DNMBP: variants seen among roughly 807,000 people sequenced by gnomAD.
The protein encoded by DNMBP is dynamin-binding protein.
In DNMBP, 87 loss-of-function variants were observed where a neutral mutation model predicts 150.0. That is an observed-to-expected ratio of 0.58 (90% CI 0.49 to 0.69). The LOEUF (loss-of-function observed/expected upper bound fraction) is 0.69. Ranked by LOEUF, DNMBP falls within the 30% of genes least tolerant of loss-of-function variation. DNMBP has a pLI of 0.00. For missense variants in DNMBP, 1,774 were observed against 1,949.0 expected, an observed-to-expected ratio of 0.91 and a Z score of 1.69; for synonymous variants, 711 against 750.4, an observed-to-expected ratio of 0.95 and a Z score of 0.86.
chr10:99,921,742 A>C (rs1171109650), intron 4 of DNMBP, among the ~76,000 whole-genome samples: 1 of 151,488 alleles, frequency 6.6e-6, no homozygotes. Context: ...GTACATGCCT[A>C]TAGTCCCAGC....
At chr10:99,902,223 T>A (rs115472290) in intron 6 of DNMBP, among the ~76,000 whole-genome samples, 42 of 151,772 alleles carry the variant, frequency 2.8e-4, no homozygotes, top group Non-Finnish European at 2.8e-4. Context: ...TTTTCCTTAA[T>A]GTATAACTCC....
chr10:99,919,679 TG>T (rs2040001756), intron 4 of DNMBP, among the ~76,000 whole-genome samples: 1 of 152,098 alleles, frequency 6.6e-6, no homozygotes, highest in South Asian at 2.1e-4. Flanking sequence ...ACCAGCTACT[TG>T]GGAGGCTGAG....
intron 4 of DNMBP, among the ~76,000 whole-genome samples, chr10:99,916,225 A>G (rs1178027582): frequency 1.3e-5 from 2 of 152,220 alleles, no homozygotes; most frequent in Non-Finnish European, 2.9e-5. Flanking sequence ...CACTTTTGGA[A>G]GCCAAGGCAG....
At chr10:99,887,855 G>A (rs1050863622) in intron 12 of DNMBP, among the ~76,000 whole-genome samples, 3 of 151,994 alleles carry the variant, frequency 2.0e-5, no homozygotes, top group African/African-American at 4.8e-5. Flanking sequence ...ACAGAGTTTC[G>A]CTCTTGTTGC....
intron 15 of DNMBP, among the ~76,000 whole-genome samples, chr10:99,881,069 T>C (rs781516201): frequency 1.1e-4 from 17 of 151,952 alleles, no homozygotes; most frequent in Non-Finnish European, 2.4e-4. Flanking sequence ...CTATTAAAAA[T>C]ACGAAAATAT....
chr10:99,995,733 T>C (rs1397730276), intron 1 of DNMBP, among the ~76,000 whole-genome samples: 2 of 134,148 alleles, frequency 1.5e-5, no homozygotes, highest in Non-Finnish European at 3.2e-5. Context: ...AGACAGGCTA[T>C]TCTATAAGAA....
chr10:99,995,379 G>A (rs1402029161), intron 1 of DNMBP, among the ~76,000 whole-genome samples: 2 of 152,102 alleles, frequency 1.3e-5, no homozygotes, highest in Non-Finnish European at 2.9e-5. Flanking sequence ...TTTACCGCCT[G>A]AAGTTCCTCT....
rs1201191527 is a variant in DNMBP at position 99,955,883 on chromosome 10, C to T, written c.1591G>A (p.Gly531Arg). 5.6e-6 allele frequency: 9 copies of T among 1,614,090 alleles called. No individual in the cohort carries two copies. The highest frequency in any genetic ancestry group is 7.6e-6 in the Non-Finnish European group (9 of 1,180,050). The change falls in exon 4 of 17, where the codon GGG (glycine) becomes AGG (arginine). Residue 531 changes from glycine (G) to arginine (R), a missense_variant. By Grantham distance (125) the Gly-to-Arg change is moderately radical (BLOSUM62 -2). Coordinates refer to ENST00000324109, the MANE Select transcript of DNMBP (RefSeq NM_015221.4). ...TGTGTTGCTGCTTCCATAACAAGCC[C>T]TTGGGCTTGCGGACCAGGCTTCATC... ...LEMKPGPQAQ[G>R]LVMEAATHSQ...
At chr10:99,903,869 C>T (rs925752766) in intron 6 of DNMBP, among the ~76,000 whole-genome samples, 1 of 151,628 alleles carries the variant, frequency 6.6e-6, no homozygotes, top group East Asian at 1.9e-4. Flanking sequence ...CTCTGGGTCA[C>T]GAAATATACT....
At chr10:99,984,796 C>G (rs551634069) in intron 1 of DNMBP, among the ~76,000 whole-genome samples, 1 of 152,158 alleles carries the variant, frequency 6.6e-6, no homozygotes, top group South Asian at 2.1e-4. Flanking sequence ...GTGATGATCA[C>G]GGCTCACTGC....
At chr10:99,908,218 T>C in intron 5 of DNMBP, 124 bp from the exon 6 acceptor site, 1 of 680,782 alleles carries the variant, frequency 1.5e-6, no homozygotes, top group Non-Finnish European at 2.6e-6. Context: ...TCACTCACTT[T>C]CATGAAGTTT....
intron 11 of DNMBP, among the ~76,000 whole-genome samples, chr10:99,894,390 C>G (rs1187951799): frequency 6.6e-6 from 1 of 152,148 alleles, no homozygotes; most frequent in African/African-American, 2.4e-5. Flanking sequence ...AGGGAGGAAG[C>G]ATTGCTTGAG....
intron 6 of DNMBP, among the ~76,000 whole-genome samples, chr10:99,902,668 C>T (rs1300730464): frequency 6.6e-6 from 1 of 150,684 alleles, no homozygotes; most frequent in Non-Finnish European, 1.5e-5. Flanking sequence ...TGGCTCAAGC[C>T]TGTAATCCCA....
intron 15 of DNMBP, among the ~76,000 whole-genome samples, chr10:99,882,939 TGCTA>T (rs752160098): frequency 6.6e-6 from 1 of 151,950 alleles, no homozygotes; most frequent in Non-Finnish European, 1.5e-5. Flanking sequence ...TGGTGGTGCG[TGCTA>T]CTTGTGAGGC....
chr10:100,004,597 A>T (rs1441332964), intron 1 of DNMBP, among the ~76,000 whole-genome samples: 1 of 152,182 alleles, frequency 6.6e-6, no homozygotes, highest in Admixed American at 6.6e-5. Flanking sequence ...TGGGTCATTA[A>T]ATGGAGAAAA....
chr10:99,935,553 G>A (rs1392422420), intron 4 of DNMBP, among the ~76,000 whole-genome samples: 1 of 151,998 alleles, frequency 6.6e-6, no homozygotes, highest in Non-Finnish European at 1.5e-5. Flanking sequence ...TGCCTGAGTA[G>A]ACTTAAATTT....
At chr10:99,957,393 A>C in intron 3 of DNMBP, 188 bp from the exon 4 acceptor site, 1 of 626,502 alleles carries the variant, frequency 1.6e-6, no homozygotes, top group Non-Finnish European at 2.8e-6. Flanking sequence ...TAGTTTTCAG[A>C]GTGTTCCATG....
At chr10:99,979,318 G>C (rs12248461) in intron 1 of DNMBP, among the ~76,000 whole-genome samples, 1 of 152,056 alleles carries the variant, frequency 6.6e-6, no homozygotes, top group East Asian at 1.9e-4. Context: ...AATAAAGCCC[G>C]AGCACTAATC....
chr10:99,880,691 C>A (rs1039973631), intron 15 of DNMBP, among the ~76,000 whole-genome samples: 6 of 152,148 alleles, frequency 3.9e-5, no homozygotes, highest in African/African-American at 1.4e-4. Context: ...GAAAACAATC[C>A]ATGTCTGGGA....
Sources: allele counts gnomAD v4.1 joint callset (sites outside exome capture counted in the v4.1 genomes callset), GRCh38; gene constraint gnomAD v4.1.1; transcripts MANE v1.5; gene names NCBI Gene and HGNC (gene_info 2026-07-23, HGNC 2026-07-21).